DNAH17: variants seen among roughly 807,000 people sequenced by gnomAD.
DNAH17 encodes dynein axonemal heavy chain 17.
A neutral mutation model predicts 485.6 loss-of-function variants in DNAH17; 376 were observed. That is an observed-to-expected ratio of 0.77 (90% CI 0.71 to 0.84). DNAH17 has a LOEUF of 0.84. Ranked by LOEUF, DNAH17 falls within the 40% of genes least tolerant of loss-of-function variation. The probability of loss-of-function intolerance (pLI) is 0.00; values close to 1 mark genes in which losing one functional copy is unlikely to be tolerated. For synonymous variants in DNAH17, 3,031 were observed against 2,405.9 expected (o/e 1.26, Z -7.60); for missense variants, 6,370 against 5,839.3 (o/e 1.09, Z -2.96).
rs759881573 is a variant in DNAH17, at chr17:78,459,078, T to C, written c.9784A>G (p.Arg3262Gly). 2 of 1,614,042 alleles carry C rather than the reference T, an allele frequency of 1.2e-6. No homozygotes were observed. Among genetic ancestry groups the C allele is most frequent in the South Asian group, 2.2e-5 (2 of 91,084 alleles). ...GCATTAGCCTCCTCCAGTGCCTGCC[T>C]CTTGGGCGCCACGTCGCAGTAGACC... ...YEVYCDVAPKRQALEEANAEL... is the reference protein window; with the variant it reads ...YEVYCDVAPKGQALEEANAEL... Residue 3262 changes from arginine to glycine, a missense_variant, in exon 61 of 81, where the codon AGG (arginine) becomes GGG (glycine). Transcript: ENST00000389840.
Position 78,458,601 on chromosome 17 carries a change from G to A in DNAH17, c.9941C>T (p.Ala3314Val), listed in dbSNP as rs2087924714. The A allele has an allele frequency of 3.7e-6, 6 of 1,613,888 alleles. No homozygotes were observed. In the Admixed American group the frequency reaches 8.3e-5, roughly 22 times the overall value. The change falls in exon 62 of 81, where the codon GCC becomes GTC. Residue 3314 changes from alanine (A) to valine (V), a missense_variant. By Grantham distance (64) the Ala-to-Val change is moderately conservative. Transcript: ENST00000389840. The stretch of plus-strand genomic sequence containing the variant: ...TAAGATCACCCTGTTCGTGGCATCG[G>A]CCTCTTGCTGACACTTGATTTTCTC... ...TAEKIKCQQE[A>V]DATNRVILLA...
At chr17:78,484,739 A>ACCCCCCCTCCCCCCCCCCCCCCCCCCCCC in intron 48 of DNAH17, 129 bp downstream of exon 48, 1 of 347,798 alleles carries the variant, frequency 2.9e-6, no homozygotes, top group Non-Finnish European at 4.6e-6. Flanking sequence ...ACGTTGCAGC[A>ACCCCCCCTCCCCCCCCCCCCCCCCCCCCC]CCCCCCCCAC....
intron 51 of DNAH17, among the ~76,000 whole-genome samples, chr17:78,477,668 C>A (rs902376799): frequency 1.3e-5 from 2 of 152,172 alleles, no homozygotes; most frequent in Non-Finnish European, 2.9e-5. Flanking sequence ...TGAACCACTG[C>A]ACCCGGCTGG....
At chr17:78,504,786 G>T (rs963451005) in intron 31 of DNAH17, among the ~76,000 whole-genome samples, 1 of 151,484 alleles carries the variant, frequency 6.6e-6, no homozygotes, top group Admixed American at 6.6e-5. Context: ...CTGTGCAGCC[G>T]ATTATTTCAG....
chr17:78,560,005 T>TC (rs2092117470), intron 13 of DNAH17, among the ~76,000 whole-genome samples: 1 of 152,248 alleles, frequency 6.6e-6, no homozygotes, highest in Admixed American at 6.5e-5. Flanking sequence ...GCTCTATTGA[T>TC]CTTCTTAACC....
intron 71 of DNAH17, among the ~76,000 whole-genome samples, chr17:78,444,088 A>C (rs2087178351): frequency 6.6e-6 from 1 of 152,150 alleles, no homozygotes; most frequent in Non-Finnish European, 1.5e-5. Flanking sequence ...AGCCATACTA[A>C]TATACCTCGA....
rs913217539 is a variant in DNAH17 at position 78,504,875 on chromosome 17, T to A, written c.4956+418A>T. On this transcript the variant is annotated intron_variant, in intron 31 of 80. Coordinates refer to ENST00000389840, the MANE Select transcript of DNAH17 (RefSeq NM_173628.4). ...CCTTTGGCAAAAGCCATGGAAAGGATTCAATGATATTAACAGGGCTTTTTT... is the reference window on the plus strand; with the variant it reads ...CCTTTGGCAAAAGCCATGGAAAGGAATCAATGATATTAACAGGGCTTTTTT... Among the ~76,000 whole-genome samples, 8 of 148,470 alleles carry A rather than the reference T, an allele frequency of 5.4e-5. No individual in the cohort carries two copies. In the Admixed American group the frequency reaches 5.4e-4, roughly 10 times the overall value.
chr17:78,544,558 T>C (rs2091699428), intron 16 of DNAH17, among the ~76,000 whole-genome samples: 1 of 151,838 alleles, frequency 6.6e-6, no homozygotes, highest in South Asian at 2.1e-4. Context: ...ATCCCAGCAC[T>C]TTGGGAGGCT....
chr17:78,461,917 G>A (rs541834228), intron 57 of DNAH17, among the ~76,000 whole-genome samples: 3 of 152,198 alleles, frequency 2.0e-5, no homozygotes, highest in South Asian at 4.1e-4. Flanking sequence ...ACAAGTATGA[G>A]ACATTCCTGG....
chr17:78,479,840 G>A (rs985426072), intron 49 of DNAH17, among the ~76,000 whole-genome samples: 6 of 152,054 alleles, frequency 3.9e-5, no homozygotes, highest in Admixed American at 1.3e-4. Flanking sequence ...TTTACTTCAT[G>A]CTCTCAAGAA....
rs1274571348 is a variant in DNAH17 at position 78,461,583 on chromosome 17, A to G, written c.9300T>C (p.Ile3100=). The G allele has an allele frequency of 6.2e-7, 1 of 1,604,754 alleles. No homozygotes were observed. The highest frequency in any genetic ancestry group is 8.5e-7 in the Non-Finnish European group (1 of 1,176,442). The change falls in exon 58 of 81, where the codon ATT becomes ATC. Residue 3100 remains isoleucine (I), a synonymous_variant. Coordinates refer to ENST00000389840, the MANE Select transcript of DNAH17 (RefSeq NM_173628.4). ...CGACCTTGACTTCTTCCTGGTCAGC[A>G]ATGGCCTTCTCTTTGCTGACCTTCT... The part of the protein sequence containing the change: ...EAEKVSKEKA[I]ADQEEVKVEV...
At chr17:78,483,633 AAATAAT>A (rs536576212) in intron 48 of DNAH17, among the ~76,000 whole-genome samples, 7 of 65,486 alleles carry the variant, frequency 1.1e-4, no homozygotes, top group East Asian at 3.9e-4. Context: ...TCTGTCTTGG[AAATAAT>A]AATAATAATA....
chr17:78,481,193 C>T (rs571945961), intron 48 of DNAH17, among the ~76,000 whole-genome samples: 2 of 151,204 alleles, frequency 1.3e-5, no homozygotes, highest in Non-Finnish European at 2.9e-5. Context: ...ACCTCCGCCT[C>T]CTGGGTTCGC....
intron 54 of DNAH17, among the ~76,000 whole-genome samples, chr17:78,474,219 G>A (rs1229658443): frequency 6.6e-6 from 1 of 152,234 alleles, no homozygotes; most frequent in African/African-American, 2.4e-5. Context: ...TACTGCGGGA[G>A]GGTCCCCTTA....
In DNAH17 at chr17:78,424,044, C is replaced by A; in HGVS notation, c.13251G>T (p.Glu4417Asp). The A allele has an allele frequency of 6.2e-7, 1 of 1,614,060 alleles. No homozygotes were observed. Among genetic ancestry groups the A allele is most frequent in the South Asian group, 1.1e-5 (1 of 91,080 alleles). ...CGGGACACTCATAGATGTTCTTGGTCTCCATGCGGTCCACAGGAATGGCCT... is the reference window on the plus strand; with the variant it reads ...CGGGACACTCATAGATGTTCTTGGTATCCATGCGGTCCACAGGAATGGCCT... The part of the protein sequence containing the change: ...FIKAIPVDRM[E>D]TKNIYECPVY... Residue 4417 changes from glutamate (E) to aspartate (D), a missense_variant, in exon 81 of 81, where the codon GAG becomes GAT. Coordinates refer to ENST00000389840, the MANE Select transcript of DNAH17 (RefSeq NM_173628.4).
At chr17:78,560,975 T>C in intron 12 of DNAH17, 40 bp from the exon 13 acceptor site, 1 of 1,518,326 alleles carries the variant, frequency 6.6e-7, no homozygotes, top group East Asian at 2.5e-5. Flanking sequence ...ACTGGATATC[T>C]CCTGTGGGGT....
intron 65 of DNAH17, among the ~76,000 whole-genome samples, chr17:78,452,006 C>G (rs11077368): frequency 6.6e-6 from 1 of 151,662 alleles, no homozygotes; most frequent in Non-Finnish European, 1.5e-5. Flanking sequence ...TTACAACATT[C>G]GTCCATTCTG....
intron 54 of DNAH17, among the ~76,000 whole-genome samples, chr17:78,469,266 C>T (rs955771855): frequency 4.6e-5 from 7 of 152,300 alleles, no homozygotes; most frequent in African/African-American, 9.6e-5. Context: ...CTCAGCCTCC[C>T]GAGTAGCTGG....
At chr17:78,433,171 G>T (rs1201371446) in intron 75 of DNAH17, among the ~76,000 whole-genome samples, 1 of 152,212 alleles carries the variant, frequency 6.6e-6, no homozygotes, top group Non-Finnish European at 1.5e-5. Flanking sequence ...TGCCTTCTGG[G>T]CGAGGGGCTC....
Sources: allele counts gnomAD v4.1 joint callset (sites outside exome capture counted in the v4.1 genomes callset), GRCh38; gene constraint gnomAD v4.1.1; transcripts MANE v1.5; gene names NCBI Gene and HGNC (gene_info 2026-07-23, HGNC 2026-07-21).